SOX5: variants seen among roughly 807,000 people sequenced by gnomAD.
SOX5 encodes the protein SRY-box transcription factor 5.
A neutral mutation model predicts 92.0 loss-of-function variants in SOX5; 9 were observed. That is an observed-to-expected ratio of 0.10 (90% CI 0.06 to 0.17). The LOEUF (loss-of-function observed/expected upper bound fraction) is 0.17, where lower values mean the gene tolerates loss of function less well. Among genes scored for constraint, SOX5 ranks in the 10% least tolerant of loss-of-function variants. The pLI, the probability that SOX5 is intolerant of heterozygous loss-of-function variation, is 1.00. For synonymous variants in SOX5, 344 were observed against 336.3 expected, an observed-to-expected ratio of 1.02 and a Z score of -0.25; for missense variants, 642 against 944.5, an observed-to-expected ratio of 0.68 and a Z score of 4.20.
At chr12:24,130,705 T>A (rs935198921) in intron 4 of SOX5, among the ~76,000 whole-genome samples, 1 of 152,142 alleles carries the variant, frequency 6.6e-6, no homozygotes, top group Admixed American at 6.6e-5. Context: ...ATCTTAGGAA[T>A]TCACAGAGCT....
intron 1 of SOX5, among the ~76,000 whole-genome samples, chr12:24,557,565 C>T (rs1953930048): frequency 6.6e-6 from 1 of 152,108 alleles, no homozygotes; most frequent in South Asian, 2.1e-4. Flanking sequence ...CCCTCACTTC[C>T]AACAGTTTAA....
chr12:24,012,587 C>T (rs148416779), intron 4 of SOX5, among the ~76,000 whole-genome samples: 1 of 152,254 alleles, frequency 6.6e-6, no homozygotes, highest in African/African-American at 2.4e-5. Flanking sequence ...AAAACTGTAG[C>T]CTACAAATCT....
intron 4 of SOX5, among the ~76,000 whole-genome samples, chr12:24,129,968 C>T (rs1313701795): frequency 1.3e-5 from 2 of 151,970 alleles, no homozygotes; most frequent in African/African-American, 4.8e-5. Flanking sequence ...ACTAAAAATG[C>T]ACATGTGTGC....
At chr12:23,949,744 C>CTA, upstream of SOX5, 1 of 967,380 alleles carries the variant, frequency 1.0e-6, no homozygotes, top group Non-Finnish European at 1.5e-6. Flanking sequence ...CTCTCTCTCT[C>CTA]TCTCTCTCCC....
intron 8 of SOX5, among the ~76,000 whole-genome samples, chr12:23,604,738 T>G (rs1289927892): frequency 6.6e-6 from 1 of 152,214 alleles, no homozygotes; most frequent in African/African-American, 2.4e-5. Context: ...ATAAGTGATC[T>G]CACCTTCAGT....
intron 3 of SOX5, among the ~76,000 whole-genome samples, chr12:23,782,157 A>G (rs2095293519): frequency 6.6e-6 from 1 of 152,096 alleles, no homozygotes; most frequent in African/African-American, 2.4e-5. Flanking sequence ...GATGTAGAAT[A>G]AACAAACTAT....
At chr12:24,381,907 C>G (rs1185386293) in intron 1 of SOX5, among the ~76,000 whole-genome samples, 2 of 152,060 alleles carry the variant, frequency 1.3e-5, no homozygotes, top group Non-Finnish European at 2.9e-5. Flanking sequence ...ACATGGAATT[C>G]AAAAAGAAAA....
At chr12:24,002,731 G>A (rs940408927) in intron 4 of SOX5, among the ~76,000 whole-genome samples, 2 of 151,884 alleles carry the variant, frequency 1.3e-5, no homozygotes, top group Non-Finnish European at 2.9e-5. Context: ...TAGCTTCACT[G>A]GTAAGTTTTA....
chr12:23,976,390 T>TAAAA (rs1327142180), intron 4 of SOX5, among the ~76,000 whole-genome samples: 8 of 111,572 alleles, frequency 7.2e-5, no homozygotes, highest in East Asian at 2.7e-4. Flanking sequence ...TGAACACTAT[T>TAAAA]AAAAAAACAA....
chr12:24,298,226 C>T (rs537378407), intron 2 of SOX5, among the ~76,000 whole-genome samples: 5 of 152,108 alleles, frequency 3.3e-5, no homozygotes, highest in Non-Finnish European at 5.9e-5. Flanking sequence ...ACCACCACCA[C>T]GTCCAGCTAA....
At chr12:23,608,317 A>T (rs2075532394) in intron 8 of SOX5, among the ~76,000 whole-genome samples, 1 of 151,992 alleles carries the variant, frequency 6.6e-6, no homozygotes, top group Non-Finnish European at 1.5e-5. Flanking sequence ...ATTGCTTAAA[A>T]CATTGCATTC....
At chr12:23,898,342 G>A (rs1333937854) in intron 1 of SOX5, among the ~76,000 whole-genome samples, 2 of 152,028 alleles carry the variant, frequency 1.3e-5, no homozygotes, top group Non-Finnish European at 1.5e-5. Flanking sequence ...CTGGTATTCT[G>A]GTGTCTGCCT....
chr12:24,020,801 T>C (rs1954197482), intron 4 of SOX5, among the ~76,000 whole-genome samples: 1 of 152,186 alleles, frequency 6.6e-6, no homozygotes, highest in South Asian at 2.1e-4. Flanking sequence ...CCCATTGTAG[T>C]CCTCTTGTCA....
chr12:23,660,056 CA>C (rs1275807115), intron 7 of SOX5, among the ~76,000 whole-genome samples: 1 of 152,214 alleles, frequency 6.6e-6, no homozygotes, highest in Non-Finnish European at 1.5e-5. Context: ...ATGTTTTCAT[CA>C]GCACTTTGCT....
chr12:24,482,893 A>G (rs1160622463), intron 1 of SOX5, among the ~76,000 whole-genome samples: 3 of 152,244 alleles, frequency 2.0e-5, no homozygotes, highest in Admixed American at 6.5e-5. Flanking sequence ...AATAGTCTCT[A>G]AATGCCAAGT....
intron 1 of SOX5, among the ~76,000 whole-genome samples, chr12:24,535,516 A>G (rs1951564276): frequency 6.6e-6 from 1 of 152,164 alleles, no homozygotes; most frequent in Admixed American, 6.5e-5. Context: ...GGACACACTG[A>G]CAGATTAACT....
intron 3 of SOX5, among the ~76,000 whole-genome samples, chr12:23,796,911 A>ATG (rs1350876440): frequency 6.8e-6 from 1 of 146,854 alleles, no homozygotes; most frequent in Non-Finnish European, 1.5e-5. Flanking sequence ...ATATATTTAT[A>ATG]TATATATATA....
intron 11 of SOX5, among the ~76,000 whole-genome samples, chr12:23,559,475 AAAG>A (rs1365308408): frequency 3.7e-4 from 56 of 152,218 alleles, no homozygotes; most frequent in Non-Finnish European, 1.0e-4. Flanking sequence ...CAGGAAAAGT[AAAG>A]AAGTTAAAAA....
At chr12:23,564,833 A>G (rs1307042670) in intron 10 of SOX5, among the ~76,000 whole-genome samples, 1 of 152,180 alleles carries the variant, frequency 6.6e-6, no homozygotes, top group Admixed American at 6.5e-5. Context: ...AGACTCTTCT[A>G]TCTGATCTGC....
Sources: gnomAD v4.1 joint callset for allele counts (sites outside exome capture counted in the v4.1 genomes callset) on GRCh38, gnomAD v4.1.1 for gene constraint, MANE v1.5 for transcripts, NCBI Gene and HGNC (gene_info 2026-07-23, HGNC 2026-07-21) for gene names.